Variants in HMGN1 observed in about 807,000 individuals in gnomAD.
The protein encoded by HMGN1 is high mobility group nucleosome binding domain 1, also known as non-histone chromosomal protein HMG-14.
In HMGN1, 9 loss-of-function variants were observed where a neutral mutation model predicts 18.4. The ratio of observed to expected loss-of-function variants is 0.49; its 90% confidence interval spans 0.29 to 0.85. The LOEUF (loss-of-function observed/expected upper bound fraction) is 0.85, where lower values mean the gene tolerates loss of function less well. HMGN1 is among the 40% of genes least tolerant of loss of function. The pLI, the probability that HMGN1 is intolerant of heterozygous loss-of-function variation, is 0.07. For synonymous variants in HMGN1, 59 were observed against 45.0 expected (o/e 1.31, Z -1.24); for missense variants, 151 against 119.2 (o/e 1.27, Z -1.24).
At chr21:39,344,113 G>A (rs1248810136) in intron 5 of HMGN1, among the ~76,000 whole-genome samples, 1 of 151,976 alleles carries the variant, frequency 6.6e-6, no homozygotes, top group East Asian at 1.9e-4. Context: ...AAAATTAGTT[G>A]GGTGTGGGGA....
At chr21:39,347,438 T>C in intron 4 of HMGN1, 1 of 1,290,552 alleles carries the variant, frequency 7.7e-7, no homozygotes, top group Admixed American at 2.4e-5. Context: ...TCAAGGAAAT[T>C]AATCTTGCCT....
chr21:39,345,196 C>A lies in HMGN1; in HGVS notation c.205G>T (p.Glu69Ter). Residue 69 changes from glutamate (E) to a stop codon, truncating the protein, a stop_gained, in exon 5 of 6, where the codon GAA becomes TAA. Transcript: ENST00000380749. LOFTEE classifies it high-confidence loss of function. ...TCCGCAGGTAAGTCTTCTTTAGTTT[C>A]TTGGTTAGCCACTTCGGCCTGTTTT... ...KGKQAEVANQETKEDLPAENG... is the reference protein window; with the variant it reads ...KGKQAEVANQ 1 of 1,613,278 alleles carries A rather than the reference C, an allele frequency of 6.2e-7. No individual in the cohort carries two copies. The highest frequency in any genetic ancestry group is 8.5e-7 in the Non-Finnish European group (1 of 1,179,878).
chr21:39,344,444 C>T (rs1202351555), intron 5 of HMGN1: 1 of 151,990 alleles, frequency 6.6e-6, no homozygotes, highest in Admixed American at 6.6e-5. Context: ...AATTACTTAT[C>T]TTTTCTAGCT....
intron 4 of HMGN1, chr21:39,345,733 G>C: frequency 8.7e-6 from 7 of 806,264 alleles, no homozygotes; most frequent in Non-Finnish European, 1.3e-5. Context: ...TACCGGAGGA[G>C]TCTCGTCGAC....
chr21:39,344,083 C>T (rs572742119), intron 5 of HMGN1, among the ~76,000 whole-genome samples: 8 of 151,902 alleles, frequency 5.3e-5, no homozygotes, highest in East Asian at 3.9e-4. Flanking sequence ...GGCGAAACCC[C>T]GTTTCTACTA....
At chr21:39,344,680 G>A (rs2036981374) in intron 5 of HMGN1, 2 of 154,154 alleles carry the variant, frequency 1.3e-5, no homozygotes, top group South Asian at 4.0e-4. Context: ...GATTCAGCCT[G>A]GCTAACAGAC....
Position 39,345,981 on chromosome 21 carries a change from T to C in HMGN1, c.127-707A>G, listed in dbSNP as rs750355376. 120 of 1,290,572 alleles carry C rather than the reference T, an allele frequency of 9.3e-5. 4 individuals carry two copies. The Middle Eastern group carries it at 1.3e-3, about 14-fold the overall frequency. 79.9% of individuals were successfully genotyped at this position (1,290,572 alleles called of 1,614,324 possible). On this transcript the variant is annotated intron_variant, in intron 4 of 5. Transcript: ENST00000380749. The stretch of plus-strand genomic sequence containing the variant: ...AATCTGAAAAGCACAGGTATTAATA[T>C]GACCATACTAACTTGATACATTAAG...
chr21:39,348,223 G>C (rs2037129641), intron 4 of HMGN1, 69 bp downstream of exon 4: 1 of 1,566,656 alleles, frequency 6.4e-7, no homozygotes, highest in Non-Finnish European at 8.8e-7. Context: ...AATCAAAATG[G>C]AAGCCCCGCA....
intron 4 of HMGN1, chr21:39,345,606 T>C (rs1206243731): frequency 7.5e-6 from 3 of 400,238 alleles, no homozygotes; most frequent in Non-Finnish European, 1.4e-5. Flanking sequence ...AGTACTTGCA[T>C]GTCAAGCCTC....
At chr21:39,346,236 G>C in intron 4 of HMGN1, 1 of 330,646 alleles carries the variant, frequency 3.0e-6, no homozygotes, top group Non-Finnish European at 5.9e-6. Context: ...ATGCTAACAC[G>C]GGCGGAAAAA....
At chr21:39,348,857 C>A in intron 1 of HMGN1, 46 bp downstream of exon 1, 1 of 1,077,870 alleles carries the variant, frequency 9.3e-7, no homozygotes, top group South Asian at 4.4e-5. Context: ...GGCGGGGCGC[C>A]GGCGGCGGCT....
chr21:39,345,924 T>C (rs1418718321), intron 4 of HMGN1: 1 of 1,302,302 alleles, frequency 7.7e-7, no homozygotes. Context: ...GGATCAGTTT[T>C]GAATTTATCA....
At position 39,348,495 on chromosome 21, in the gene HMGN1, C is replaced by A. The variant is rs765767467; in HGVS notation, c.49-44G>T. On this transcript the variant is annotated intron_variant, in intron 2 of 5. Coordinates refer to ENST00000380749, the MANE Select transcript of HMGN1 (RefSeq NM_004965.7). ...AGAGTCAGCGAGAAGAGAAGGCAGG[C>A]CAGCGGCTCACGGGAAACCCACCAC... 2.5e-6 allele frequency: 4 copies of A among 1,613,938 alleles called. No individual in the cohort carries two copies. In the East Asian group the frequency reaches 8.9e-5, roughly 36 times the overall value.
intron 5 of HMGN1, among the ~76,000 whole-genome samples, chr21:39,343,946 GATGT>G (rs1377885792): frequency 2.0e-5 from 3 of 152,150 alleles, no homozygotes; most frequent in African/African-American, 7.2e-5. Context: ...CACAGTATTT[GATGT>G]ATGGTTAGAA....
Position 39,349,043 on chromosome 21 carries a change from G to T in HMGN1, c.-126C>A, listed in dbSNP as rs879656226. 2.2e-5 allele frequency: 23 copies of T among 1,068,198 alleles called. No individual in the cohort carries two copies. The highest frequency in any genetic ancestry group is 2.6e-5 in the Non-Finnish European group (22 of 853,324). The allele number at this position is 1,068,198 out of a possible 1,614,324, so 66.2% of individuals were successfully genotyped here. A position where few individuals can be genotyped will look rare whatever the true frequency, so the allele number is the denominator to read the frequency against. ...CCTTGCCGCTGCCACTCCTCCCGCC[G>T]CCCGAGCTGCTGAGACCCACAGCGG... On this transcript the variant is annotated 5_prime_UTR_variant, in exon 1 of 6. Transcript: ENST00000380749.
At chr21:39,347,612 G>A in intron 4 of HMGN1, 1 of 403,880 alleles carries the variant, frequency 2.5e-6, no homozygotes, top group Non-Finnish European at 4.9e-6. Context: ...AGGTTTCAAT[G>A]CTATATCCAA....
chr21:39,347,935 C>G (rs2037115811), intron 4 of HMGN1: 2 of 1,092,930 alleles, frequency 1.8e-6, no homozygotes, highest in African/African-American at 3.4e-5. Context: ...TTCTCCTGGC[C>G]TCGGTGCTAT....
chr21:39,347,081 A>ACACACAC (rs2037082457), intron 4 of HMGN1: 2 of 141,304 alleles, frequency 1.4e-5, no homozygotes, highest in African/African-American at 2.9e-5. Context: ...CACACACACA[A>ACACACAC]TAAAAAAAGA....
At chr21:39,347,168 G>A (rs2037085777) in intron 4 of HMGN1, 2 of 251,312 alleles carry the variant, frequency 8.0e-6, no homozygotes, top group South Asian at 6.1e-5. Flanking sequence ...TTTCCGTGCT[G>A]TTCTAACTGT....
Sources: gnomAD v4.1 joint callset for allele counts (sites outside exome capture counted in the v4.1 genomes callset) on GRCh38, gnomAD v4.1.1 for gene constraint, MANE v1.5 for transcripts, NCBI Gene and HGNC (gene_info 2026-07-23, HGNC 2026-07-21) for gene names.